Variants in SMURF2 observed in about 807,000 individuals in gnomAD.
The protein encoded by SMURF2 is SMAD specific E3 ubiquitin protein ligase 2.
A neutral mutation model predicts 109.6 loss-of-function variants in SMURF2; 48 were observed. The observed-to-expected ratio is 0.44, with a 90% confidence interval of 0.35 to 0.56. The LOEUF (loss-of-function observed/expected upper bound fraction) is 0.56, where lower values mean the gene tolerates loss of function less well. SMURF2 is among the 20% of genes least tolerant of loss of function. The pLI is 0.01. For missense variants in SMURF2, 575 were observed against 909.0 expected (o/e 0.63, Z 4.72); for synonymous variants, 288 against 317.1 (o/e 0.91, Z 0.97).
intron 1 of SMURF2, among the ~76,000 whole-genome samples, chr17:64,659,780 A>G (rs983759726): frequency 7.9e-5 from 12 of 152,316 alleles, no homozygotes; most frequent in African/African-American, 2.9e-4. Flanking sequence ...TAAATGATGA[A>G]CAAAAATGGA....
At chr17:64,631,651 C>T (rs1195996780) in intron 1 of SMURF2, among the ~76,000 whole-genome samples, 4 of 152,052 alleles carry the variant, frequency 2.6e-5, no homozygotes, top group South Asian at 2.1e-4. Flanking sequence ...CTTAAACACC[C>T]CCTCCCAAAA....
At chr17:64,628,792 C>T (rs1331824032) in intron 1 of SMURF2, among the ~76,000 whole-genome samples, 1 of 152,194 alleles carries the variant, frequency 6.6e-6, no homozygotes, top group African/African-American at 2.4e-5. Flanking sequence ...GCCTTTAACT[C>T]ATCTGCTAGA....
rs1307884721 is a variant in SMURF2, at chr17:64,545,070, T to G, written c.*778A>C. 6.6e-6 allele frequency: 1 copy of G among 152,130 alleles called. No homozygotes were observed. The allele number at this position is 152,130 out of a possible 1,614,324, so 9.4% of individuals were successfully genotyped here. On this transcript the variant is annotated 3_prime_UTR_variant, in exon 19 of 19. Coordinates refer to ENST00000262435, the MANE Select transcript of SMURF2 (RefSeq NM_022739.4). ...TGACTCAAGATAAAAACATTAGGTTTTTTTTTTTTTAAAAGAGTCTCTTAA... is the reference window on the plus strand; with the variant it reads ...TGACTCAAGATAAAAACATTAGGTTGTTTTTTTTTTAAAAGAGTCTCTTAA...
intron 4 of SMURF2, among the ~76,000 whole-genome samples, chr17:64,591,738 C>T (rs1173838021): frequency 2.6e-5 from 4 of 152,174 alleles, no homozygotes; most frequent in Admixed American, 2.6e-4. Flanking sequence ...CTAAAGTACG[C>T]TGGTTTTACT....
chr17:64,575,730 G>C (rs1969480643), intron 9 of SMURF2, among the ~76,000 whole-genome samples: 1 of 151,902 alleles, frequency 6.6e-6, no homozygotes, highest in Admixed American at 6.6e-5. Context: ...ACCTTCTGTG[G>C]GTTGTTCTGG....
intron 9 of SMURF2, among the ~76,000 whole-genome samples, chr17:64,573,517 C>T (rs529423197): frequency 4.7e-4 from 71 of 152,164 alleles, no homozygotes; most frequent in Admixed American, 1.1e-3. Flanking sequence ...ACTCCTGCTA[C>T]AGAACAGCTA....
At chr17:64,630,618 G>A (rs1264953127) in intron 1 of SMURF2, among the ~76,000 whole-genome samples, 1 of 152,036 alleles carries the variant, frequency 6.6e-6, no homozygotes, top group East Asian at 1.9e-4. Context: ...GGGGGCAAGG[G>A]GACAAATGAC....
chr17:64,661,529 G>C (rs1970776021), intron 1 of SMURF2, among the ~76,000 whole-genome samples: 1 of 152,122 alleles, frequency 6.6e-6, no homozygotes, highest in African/African-American at 2.4e-5. Context: ...CGAGCCCCGG[G>C]AGGCAGCGTC....
intron 1 of SMURF2, among the ~76,000 whole-genome samples, chr17:64,646,384 T>C (rs1304184682): frequency 3.4e-5 from 5 of 147,548 alleles, no homozygotes; most frequent in African/African-American, 1.2e-4. Context: ...TTTCTTTCTT[T>C]TTTTTTTTTT....
intron 1 of SMURF2, among the ~76,000 whole-genome samples, chr17:64,613,644 C>T (rs1363835172): frequency 7.7e-6 from 1 of 130,142 alleles, no homozygotes; most frequent in Non-Finnish European, 1.6e-5. Context: ...CAGGGATTGG[C>T]TTCATGGAAG....
Position 64,612,893 on chromosome 17 carries a change from A to T in SMURF2, c.53-6253T>A, listed in dbSNP as rs138610370. Among the ~76,000 whole-genome samples, 65 of 152,346 alleles carry T rather than the reference A, an allele frequency of 4.3e-4. 2 individuals carry two copies. In the East Asian group the frequency reaches 0.011, roughly 26 times the overall value. ...TTTAGTAATCAAGAGATTAAGGAAA[A>T]TAACATTAGTGTTCTAGAAGAAACA... On this transcript the variant is annotated intron_variant, in intron 1 of 18. Transcript: ENST00000262435.
intron 1 of SMURF2, among the ~76,000 whole-genome samples, chr17:64,654,479 G>A: frequency 6.6e-6 from 1 of 152,154 alleles, no homozygotes; most frequent in Non-Finnish European, 1.5e-5. Context: ...CGAGAGAAAA[G>A]AAAAATTTTA....
intron 7 of SMURF2, 52 bp downstream of exon 7, chr17:64,583,409 C>G: frequency 6.9e-7 from 1 of 1,454,030 alleles, no homozygotes; most frequent in South Asian, 1.1e-5. Context: ...TAGAAAAGGA[C>G]TTCAGGAGGG....
intron 1 of SMURF2, among the ~76,000 whole-genome samples, chr17:64,641,632 G>A (rs916464702): frequency 2.0e-5 from 3 of 152,114 alleles, no homozygotes; most frequent in Non-Finnish European, 4.4e-5. Context: ...TGTAGCTGCC[G>A]TAAAGCTGCC....
chr17:64,657,372 T>C (rs1970718789), intron 1 of SMURF2, among the ~76,000 whole-genome samples: 1 of 152,006 alleles, frequency 6.6e-6, no homozygotes. Context: ...GGAGGACATA[T>C]TACGTCTTTA....
At chr17:64,580,564 A>G (rs1482865765) in intron 8 of SMURF2, among the ~76,000 whole-genome samples, 3 of 152,232 alleles carry the variant, frequency 2.0e-5, no homozygotes, top group African/African-American at 4.8e-5. Context: ...ACTTCATTAT[A>G]GAAGAGCACA....
intron 16 of SMURF2, among the ~76,000 whole-genome samples, chr17:64,551,135 G>A (rs188138438): frequency 7.2e-5 from 11 of 152,136 alleles, no homozygotes; most frequent in East Asian, 1.9e-4. Context: ...CAAGGCAGGC[G>A]GATCACTTGA....
In SMURF2 at chr17:64,546,319, G is replaced by C; in HGVS notation, c.2091C>G (p.Leu697=). The change falls in exon 18 of 19, where the codon CTC becomes CTG. Residue 697 remains leucine (L), a synonymous_variant. Coordinates refer to ENST00000262435, the MANE Select transcript of SMURF2 (RefSeq NM_022739.4). The part of the protein sequence containing the change: ...KALQGAAGPR[L]FTIHQIDACT... ...AGGCATCAATCTGGTGTATGGTAAA[G>C]AGTCTCGGGCCTGCAGCACCTGCAA... 1 of 1,613,992 alleles carries C rather than the reference G, an allele frequency of 6.2e-7. No individual in the cohort carries two copies. Among genetic ancestry groups the C allele is most frequent in the South Asian group, 1.1e-5 (1 of 91,078 alleles).
At chr17:64,639,702 C>T (rs1328596743) in intron 1 of SMURF2, among the ~76,000 whole-genome samples, 4 of 152,134 alleles carry the variant, frequency 2.6e-5, no homozygotes, top group Non-Finnish European at 5.9e-5. Context: ...GACACATATG[C>T]CTCCCTAAGC....
Sources: allele counts gnomAD v4.1 joint callset (sites outside exome capture counted in the v4.1 genomes callset), GRCh38; gene constraint gnomAD v4.1.1; transcripts MANE v1.5; gene names NCBI Gene and HGNC (gene_info 2026-07-23, HGNC 2026-07-21).